CDH8: variants seen among roughly 807,000 people sequenced by gnomAD.
The protein encoded by CDH8 is cadherin-8.
In CDH8, 17 loss-of-function variants were observed where a neutral mutation model predicts 68.1. That is an observed-to-expected ratio of 0.25 (90% CI 0.17 to 0.37). The LOEUF is 0.37. Among genes scored for constraint, CDH8 ranks in the 10% least tolerant of loss-of-function variants. The pLI is 1.00. For missense variants in CDH8, 763 were observed against 999.3 expected (o/e 0.76, Z 3.19); for synonymous variants, 372 against 365.1 (o/e 1.02, Z -0.21).
chr16:61,884,827 G>A (rs1045123186), intron 3 of CDH8, among the ~76,000 whole-genome samples: 3 of 152,158 alleles, frequency 2.0e-5, no homozygotes, highest in Admixed American at 2.0e-4. Flanking sequence ...TGGTAGTTAA[G>A]TTTTTAGGAA....
chr16:61,648,160 T>C lies in CDH8; in HGVS notation c.*5448A>G. The C allele has an allele frequency of 7.8e-6, 2 of 255,396 alleles. No homozygotes were observed. Among genetic ancestry groups the C allele is most frequent in the Non-Finnish European group, 7.4e-6 (1 of 134,996 alleles). The allele number at this position is 255,396 out of a possible 1,614,324, so 15.8% of individuals were successfully genotyped here. On this transcript the variant is annotated 3_prime_UTR_variant, in exon 12 of 12. Coordinates refer to ENST00000577390, the MANE Select transcript of CDH8 (RefSeq NM_001796.5). ...AATACCAGCATGTAATTTCTGTTTC[T>C]CTCACATATTTGATGTGTAATTTAA...
intron 2 of CDH8, among the ~76,000 whole-genome samples, chr16:61,959,902 T>C (rs1264539338): frequency 1.4e-5 from 2 of 145,630 alleles, no homozygotes; most frequent in Non-Finnish European, 3.0e-5. Flanking sequence ...TATGTAAATA[T>C]ATATACACAC....
intron 10 of CDH8, among the ~76,000 whole-genome samples, chr16:61,673,647 T>C (rs1038840629): frequency 3.9e-5 from 6 of 152,192 alleles, no homozygotes; most frequent in Admixed American, 1.3e-4. Flanking sequence ...ATATTTGTTC[T>C]TTCTTGTCCA....
chr16:61,743,209 C>A (rs1959922848), intron 8 of CDH8: 1 of 152,108 alleles, frequency 6.6e-6, no homozygotes, highest in Non-Finnish European at 1.5e-5. Flanking sequence ...GTCTTGGAAG[C>A]TCGACTACCC....
chr16:61,817,333 C>T (rs978661022), intron 7 of CDH8, 146 bp downstream of exon 7: 32 of 733,442 alleles, frequency 4.4e-5, no homozygotes, highest in Non-Finnish European at 6.1e-5. Context: ...CACACACACA[C>T]ACACACACAG....
At chr16:61,824,954 T>C in intron 5 of CDH8, 58 bp downstream of exon 5, 1 of 1,413,264 alleles carries the variant, frequency 7.1e-7, no homozygotes, top group Non-Finnish European at 9.8e-7. Flanking sequence ...AATTATAATA[T>C]AAATTCAAAT....
chr16:61,762,141 A>T (rs1960486809), intron 8 of CDH8, among the ~76,000 whole-genome samples: 1 of 152,190 alleles, frequency 6.6e-6, no homozygotes. Context: ...TCCTCTGGGC[A>T]TTGCCCGTGG....
At chr16:61,747,157 C>CATCT (rs1467699627) in intron 8 of CDH8, among the ~76,000 whole-genome samples, 1 of 152,022 alleles carries the variant, frequency 6.6e-6, no homozygotes, top group Admixed American at 6.6e-5. Context: ...ATCATCCGTC[C>CATCT]ATCTATGCAT....
intron 4 of CDH8, among the ~76,000 whole-genome samples, chr16:61,827,905 A>C (rs144101014): frequency 4.4e-3 from 664 of 151,778 alleles, no homozygotes; most frequent in Middle Eastern, 6.8e-3. Context: ...TGATAACACA[A>C]ACAGTCGATT....
At chr16:61,923,092 G>T (rs1030241651) in intron 2 of CDH8, among the ~76,000 whole-genome samples, 5 of 151,990 alleles carry the variant, frequency 3.3e-5, no homozygotes, top group Non-Finnish European at 7.4e-5. Flanking sequence ...CTTATTGACC[G>T]GTAACAAAAT....
intron 2 of CDH8, among the ~76,000 whole-genome samples, chr16:62,002,894 A>G (rs970250926): frequency 1.3e-5 from 2 of 152,166 alleles, no homozygotes; most frequent in Non-Finnish European, 2.9e-5. Flanking sequence ...TCTACTAAAA[A>G]TACAAAAAAT....
chr16:61,898,716 A>C (rs985243535), intron 3 of CDH8, among the ~76,000 whole-genome samples: 1 of 152,190 alleles, frequency 6.6e-6, no homozygotes, highest in Non-Finnish European at 1.5e-5. Context: ...TGATGCATTA[A>C]GATTACACAG....
intron 10 of CDH8, among the ~76,000 whole-genome samples, chr16:61,696,007 GCTGT>G (rs925184542): frequency 3.9e-5 from 6 of 152,094 alleles, no homozygotes; most frequent in Admixed American, 2.0e-4. Flanking sequence ...TAAAATTTTA[GCTGT>G]CTGTCACTTA....
At chr16:62,003,052 A>C (rs75056047) in intron 2 of CDH8, among the ~76,000 whole-genome samples, 2 of 146,708 alleles carry the variant, frequency 1.4e-5, no homozygotes, top group African/African-American at 5.1e-5. Flanking sequence ...ACTCCGTTTC[A>C]AAAAAAAAAA....
At chr16:61,984,417 G>T (rs576218486) in intron 2 of CDH8, among the ~76,000 whole-genome samples, 16 of 150,796 alleles carry the variant, frequency 1.1e-4, no homozygotes, top group African/African-American at 3.6e-4. Context: ...AGAGAAACAC[G>T]TTTCTTTTTC....
At chr16:62,011,420 C>A (rs192652192) in intron 2 of CDH8, among the ~76,000 whole-genome samples, 1 of 152,178 alleles carries the variant, frequency 6.6e-6, no homozygotes, top group African/African-American at 2.4e-5. Flanking sequence ...TCATCACCTA[C>A]CACATGGGGT....
At chr16:61,672,557 A>T (rs1963819517) in intron 10 of CDH8, among the ~76,000 whole-genome samples, 3 of 150,936 alleles carry the variant, frequency 2.0e-5, no homozygotes, top group Admixed American at 1.3e-4. Flanking sequence ...TTTCATGTGT[A>T]AAATATTCAA....
In CDH8 at chr16:61,917,345, G is replaced by A. The variant is rs961336757; in HGVS notation, c.253-15872C>T. On this transcript the variant is annotated intron_variant, in intron 2 of 11. Transcript: ENST00000577390. ...CAAGAATAACTGTAGAATGTGATGG[G>A]AATGCAACATCCTGAGATATGGAAA... Among the ~76,000 whole-genome samples the A allele has an allele frequency of 7.2e-4, 109 of 152,084 alleles. 1 individual carries two copies. Among genetic ancestry groups the A allele is most frequent in the African/African-American group, 2.1e-3 (85 of 41,384 alleles).
At chr16:61,987,644 C>G (rs144135314) in intron 2 of CDH8, among the ~76,000 whole-genome samples, 2 of 152,154 alleles carry the variant, frequency 1.3e-5, no homozygotes, top group Non-Finnish European at 2.9e-5. Flanking sequence ...AAATACAGGT[C>G]TGACTGATTT....
Sources: allele counts gnomAD v4.1 joint callset (sites outside exome capture counted in the v4.1 genomes callset), GRCh38; gene constraint gnomAD v4.1.1; transcripts MANE v1.5; gene names NCBI Gene and HGNC (gene_info 2026-07-23, HGNC 2026-07-21).